Variants in UBR3 observed in about 807,000 individuals in gnomAD.
The protein encoded by UBR3 is ubiquitin protein ligase E3 component n-recognin 3.
A neutral mutation model predicts 243.2 loss-of-function variants in UBR3; 85 were observed. The ratio of observed to expected loss-of-function variants is 0.35; its 90% CI spans 0.29 to 0.42. UBR3 has a LOEUF of 0.42. Among genes scored for constraint, UBR3 ranks in the 10% least tolerant of loss-of-function variants. UBR3 has a pLI of 1.00. For synonymous variants in UBR3, 748 were observed against 799.8 expected, an observed-to-expected ratio of 0.94 and a Z score of 1.09; for missense variants, 1,686 against 2,300.8, an observed-to-expected ratio of 0.73 and a Z score of 5.47.
chr2:170,055,389 A>G (rs961038375), intron 32 of UBR3, 71 bp from the exon 33 acceptor site: 2 of 1,538,788 alleles, frequency 1.3e-6, no homozygotes, highest in South Asian at 1.2e-5. Context: ...GGAAAGGCAT[A>G]TATTTGTAAA....
intron 26 of UBR3, among the ~76,000 whole-genome samples, chr2:169,996,156 G>C (rs2089470132): frequency 6.6e-6 from 1 of 152,190 alleles, no homozygotes; most frequent in Non-Finnish European, 1.5e-5. Context: ...AAGAGCCAGA[G>C]TAGAGTCTGG....
intron 1 of UBR3, among the ~76,000 whole-genome samples, chr2:169,861,304 C>T (rs916485281): frequency 6.6e-6 from 1 of 152,112 alleles, no homozygotes; most frequent in African/African-American, 2.4e-5. Context: ...TTTTTTCCTA[C>T]TCGTCTTTTC....
chr2:169,869,187 A>G (rs1477200973), intron 1 of UBR3, among the ~76,000 whole-genome samples: 1 of 110,178 alleles, frequency 9.1e-6, no homozygotes. Flanking sequence ...TTTTTTGTTT[A>G]AACTTCTGGT....
intron 24 of UBR3, chr2:169,965,009 G>A (rs1377529721): frequency 2.2e-6 from 1 of 455,974 alleles, no homozygotes; most frequent in Admixed American, 2.4e-5. Flanking sequence ...TGTTTATGTT[G>A]GCCATGGCCA....
chr2:170,010,652 G>A (rs1033086269), intron 29 of UBR3, among the ~76,000 whole-genome samples: 6 of 152,074 alleles, frequency 3.9e-5, no homozygotes, highest in African/African-American at 1.4e-4. Context: ...GACAGATGTC[G>A]AATGCTTTAC....
At chr2:169,991,380 A>G (rs901129125) in intron 25 of UBR3, among the ~76,000 whole-genome samples, 2 of 152,164 alleles carry the variant, frequency 1.3e-5, no homozygotes, top group Admixed American at 1.3e-4. Flanking sequence ...AGTGGAATAT[A>G]TATTTTTCTC....
intron 32 of UBR3, among the ~76,000 whole-genome samples, chr2:170,054,604 T>A (rs1038157080): frequency 1.3e-5 from 2 of 152,080 alleles, no homozygotes; most frequent in African/African-American, 4.8e-5. Flanking sequence ...TTTTAAAAAT[T>A]TTTGTAGAGA....
intron 19 of UBR3, among the ~76,000 whole-genome samples, chr2:169,938,635 T>C (rs909674280): frequency 3.4e-4 from 52 of 152,244 alleles, no homozygotes; most frequent in African/African-American, 1.2e-3. Flanking sequence ...CACAAATGTT[T>C]TAAATTTTGA....
intron 27 of UBR3, among the ~76,000 whole-genome samples, chr2:170,004,311 G>A (rs1041621421): frequency 6.6e-6 from 1 of 152,144 alleles, no homozygotes; most frequent in African/African-American, 2.4e-5. Context: ...TGATGACACT[G>A]AAAGATTTTG....
In UBR3 at chr2:169,845,528, G is replaced by T. The variant is rs112828328; in HGVS notation, c.545+17476G>T. 4.7e-3 allele frequency among the ~76,000 whole-genome samples: 502 copies of T among 107,866 alleles called. 2 individuals carry two copies. Among genetic ancestry groups the T allele is most frequent in the Non-Finnish European group, 7.6e-3 (390 of 50,992 alleles). The allele number at this position is 107,866 out of a possible 152,430, so 70.8% of individuals were successfully genotyped here. On this transcript the variant is annotated intron_variant, in intron 1 of 38. Coordinates refer to ENST00000272793, the MANE Select transcript of UBR3 (RefSeq NM_172070.4). ...CGTCGTCGTCGTCGTCGTCGTCGTC[G>T]TCGTCTTCTTCTTCTTCTTCTTCTT...
chr2:169,856,007 C>T (rs1264802173), intron 1 of UBR3, among the ~76,000 whole-genome samples: 6 of 151,396 alleles, frequency 4.0e-5, no homozygotes, highest in African/African-American at 1.5e-4. Context: ...GGGGGGCTGC[C>T]AGGCGGAGAC....
rs553569596 is a variant in UBR3 at position 170,060,604 on chromosome 2, G to T, written c.4786-475G>T. ...TCTTTTCACATTGTAAATATTTTTC[G>T]TACAGCTTAAATTTGCCACATTCGC... is the stretch of plus-strand genomic sequence containing the variant. On this transcript the variant is annotated intron_variant, in intron 33 of 38. Coordinates refer to ENST00000272793, the MANE Select transcript of UBR3 (RefSeq NM_172070.4). Among the ~76,000 whole-genome samples the T allele has an allele frequency of 3.3e-5, 5 of 151,612 alleles. No homozygotes were observed. In the South Asian group the frequency reaches 8.3e-4, roughly 25 times the overall value.
At chr2:170,059,657 G>A (rs1204180192) in intron 33 of UBR3, among the ~76,000 whole-genome samples, 2 of 152,080 alleles carry the variant, frequency 1.3e-5, no homozygotes, top group Non-Finnish European at 2.9e-5. Context: ...TGATTAATTA[G>A]GTAAGGATGG....
chr2:169,980,809 C>A (rs2088693298), intron 24 of UBR3, among the ~76,000 whole-genome samples: 1 of 141,822 alleles, frequency 7.1e-6, no homozygotes, highest in Non-Finnish European at 1.5e-5. Flanking sequence ...CAGTCCCCTC[C>A]TCCCTTGCTG....
chr2:169,902,449 T>C (rs956137378), intron 8 of UBR3, among the ~76,000 whole-genome samples: 3 of 152,210 alleles, frequency 2.0e-5, no homozygotes, highest in African/African-American at 7.2e-5. Context: ...ATTTGTACCA[T>C]GCATCCTCTG....
At chr2:170,070,664 CTG>C (rs2091678719) in intron 35 of UBR3, among the ~76,000 whole-genome samples, 2 of 152,104 alleles carry the variant, frequency 1.3e-5, no homozygotes, top group African/African-American at 4.8e-5. Context: ...AAAAATTTCA[CTG>C]TATTTCTATA....
At chr2:169,850,645 C>T (rs2082625786) in intron 1 of UBR3, among the ~76,000 whole-genome samples, 1 of 152,234 alleles carries the variant, frequency 6.6e-6, no homozygotes, top group East Asian at 1.9e-4. Context: ...GAGATTGAGA[C>T]CATCCTGGCT....
At chr2:170,007,500 G>A (rs558074523) in intron 28 of UBR3, among the ~76,000 whole-genome samples, 6 of 152,318 alleles carry the variant, frequency 3.9e-5, no homozygotes, top group African/African-American at 1.4e-4. Context: ...GCTCACACCT[G>A]TAATCCCAGC....
rs16857459 is a variant in UBR3, at chr2:170,020,364, T to A, written c.4453+4998T>A. Among the ~76,000 whole-genome samples the A allele has an allele frequency of 7.6e-3, 1,154 of 152,296 alleles. 11 individuals carry two copies. The highest frequency in any genetic ancestry group is 0.026 in the African/African-American group (1,075 of 41,562). On this transcript the variant is annotated intron_variant, in intron 30 of 38. Transcript: ENST00000272793. ...TGGCTAAAAGGTGATTTTGTGGTATTTGGGAATGTTTTATGTTCTGAAGAG... is the reference window on the plus strand; with the variant it reads ...TGGCTAAAAGGTGATTTTGTGGTATATGGGAATGTTTTATGTTCTGAAGAG...
Sources: gnomAD v4.1 joint callset for allele counts (sites outside exome capture counted in the v4.1 genomes callset) on GRCh38, gnomAD v4.1.1 for gene constraint, MANE v1.5 for transcripts, NCBI Gene and HGNC (gene_info 2026-07-23, HGNC 2026-07-21) for gene names.